The following IL1RAPL1 variants were observed in gnomAD, a reference collection of about 807,000 sequenced individuals.
IL1RAPL1 encodes the protein interleukin 1 receptor accessory protein like 1.
In IL1RAPL1, 3 loss-of-function variants were observed where a neutral mutation model predicts 48.4. The observed-to-expected ratio is 0.06, with a 90% CI of 0.03 to 0.16. The LOEUF (loss-of-function observed/expected upper bound fraction) is 0.16, where lower values mean the gene tolerates loss of function less well. IL1RAPL1 is among the 10% of genes least tolerant of loss of function. The pLI, the probability that IL1RAPL1 is intolerant of heterozygous loss-of-function variation, is 1.00. For synonymous variants in IL1RAPL1, 185 were observed against 187.7 expected (o/e 0.99, Z 0.12); for missense variants, 349 against 530.6 (o/e 0.66, Z 3.36).
intron 6 of IL1RAPL1, among the ~76,000 whole-genome samples, chrX:29,851,273 T>A (rs1386056892): frequency 8.9e-6 from 1 of 111,886 alleles, no homozygotes; most frequent in Non-Finnish European, 1.9e-5. Flanking sequence ...CCTGGAGTTA[T>A]GTCAGCCATG....
intron 2 of IL1RAPL1, among the ~76,000 whole-genome samples, chrX:28,975,135 C>T (rs774439282): frequency 7.2e-5 from 8 of 111,797 alleles, no homozygotes; most frequent in Non-Finnish European, 1.1e-4. Context: ...ACTCATACCC[C>T]GTCATTTGTT....
chrX:29,917,738 A>G lies in IL1RAPL1; in HGVS notation c.911+142A>G, dbSNP rs1327178281. 6.3e-6 allele frequency: 3 copies of G among 475,203 alleles called. No individual in the cohort carries two copies. In the African/African-American group the frequency reaches 7.4e-5, roughly 12 times the overall value. 39.2% of individuals were successfully genotyped at this position (475,203 alleles called of 1,213,427 possible). A position where few individuals can be genotyped will look rare whatever the true frequency, so the allele number is the denominator to read the frequency against. On this transcript the variant is annotated intron_variant, in intron 7 of 10. Coordinates refer to ENST00000378993, the MANE Select transcript of IL1RAPL1 (RefSeq NM_014271.4). ...CAATATTTAATGATAAAGAAGCAAAACACTGTTAACAGACTTACTATGGAA... is the reference window on the plus strand; with the variant it reads ...CAATATTTAATGATAAAGAAGCAAAGCACTGTTAACAGACTTACTATGGAA...
chrX:29,181,110 G>T (rs1930135122), intron 2 of IL1RAPL1, among the ~76,000 whole-genome samples: 2 of 111,565 alleles, frequency 1.8e-5, no homozygotes, highest in Non-Finnish European at 3.8e-5. Flanking sequence ...CATGTGATCT[G>T]ACTGAGTTGC....
chrX:29,860,149 A>G (rs1415754620), intron 6 of IL1RAPL1, among the ~76,000 whole-genome samples: 1 of 112,042 alleles, frequency 8.9e-6, no homozygotes, highest in African/African-American at 3.2e-5. Flanking sequence ...TTCTATGTCA[A>G]ATCACCCTCC....
intron 6 of IL1RAPL1, among the ~76,000 whole-genome samples, chrX:29,883,618 C>T (rs1326331844): frequency 8.9e-6 from 1 of 112,032 alleles, no homozygotes; most frequent in African/African-American, 3.2e-5. Flanking sequence ...TGCCAGGTGA[C>T]TTTACGACAA....
intron 1 of IL1RAPL1, among the ~76,000 whole-genome samples, chrX:28,714,460 A>C (rs945166023): frequency 1.8e-5 from 2 of 112,205 alleles, no homozygotes; most frequent in African/African-American, 6.5e-5. Context: ...TATGAATTAT[A>C]TCTCTAAATT....
chrX:28,623,388 A>T (rs1477124799), intron 1 of IL1RAPL1, among the ~76,000 whole-genome samples: 1 of 111,800 alleles, frequency 8.9e-6, no homozygotes, highest in Non-Finnish European at 1.9e-5. Flanking sequence ...CAGGGAATTT[A>T]TCGCAACGGG....
intron 5 of IL1RAPL1, among the ~76,000 whole-genome samples, chrX:29,562,950 C>A (rs766994313): frequency 4.5e-5 from 5 of 111,851 alleles, no homozygotes; most frequent in Non-Finnish European, 7.5e-5. Context: ...GTGTTTTGGG[C>A]TCTTTCTGGC....
At chrX:29,720,492 C>T (rs1927608607) in intron 6 of IL1RAPL1, among the ~76,000 whole-genome samples, 1 of 111,403 alleles carries the variant, frequency 9.0e-6, no homozygotes, top group South Asian at 3.7e-4. Context: ...TCTCAGCAAA[C>T]TAACACAGGA....
At chrX:29,164,750 C>T (rs1322456920) in intron 2 of IL1RAPL1, among the ~76,000 whole-genome samples, 1 of 111,592 alleles carries the variant, frequency 9.0e-6, no homozygotes, top group Non-Finnish European at 1.9e-5. Context: ...TCCTTTTAAG[C>T]CTCCCATTTT....
intron 5 of IL1RAPL1, among the ~76,000 whole-genome samples, chrX:29,476,050 A>T (rs185879123): frequency 8.9e-6 from 1 of 111,841 alleles, no homozygotes; most frequent in East Asian, 2.8e-4. Context: ...TCATAAGGGC[A>T]TCCGTGTCTT....
chrX:29,155,007 CTT>C (rs1276795423), intron 2 of IL1RAPL1, among the ~76,000 whole-genome samples: 3 of 101,341 alleles, frequency 3.0e-5, no homozygotes, highest in Admixed American at 1.1e-4. Context: ...TTCTTTCTGT[CTT>C]TTTTTTTTTT....
chrX:28,731,881 C>G (rs970910101), intron 1 of IL1RAPL1, among the ~76,000 whole-genome samples: 1 of 111,848 alleles, frequency 8.9e-6, no homozygotes, highest in Admixed American at 9.6e-5. Flanking sequence ...GGCACAGGGG[C>G]AGCATGAGAC....
intron 6 of IL1RAPL1, among the ~76,000 whole-genome samples, chrX:29,908,093 A>T (rs1338942075): frequency 9.1e-6 from 1 of 110,488 alleles, no homozygotes; most frequent in Non-Finnish European, 1.9e-5. Flanking sequence ...CATGTAGTTT[A>T]AAAAAAACCC....
At chrX:29,599,417 G>T (rs1394322999) in intron 5 of IL1RAPL1, among the ~76,000 whole-genome samples, 1 of 111,732 alleles carries the variant, frequency 8.9e-6, no homozygotes, top group African/African-American at 3.3e-5. Context: ...TCCTTTATAG[G>T]TTACCTGATG....
At chrX:29,882,801 G>A (rs776989301) in intron 6 of IL1RAPL1, among the ~76,000 whole-genome samples, 2 of 111,370 alleles carry the variant, frequency 1.8e-5, no homozygotes, top group Non-Finnish European at 3.8e-5. Context: ...ACATTTCAAC[G>A]TATGCCATTA....
chrX:28,730,887 A>G (rs1319872296), intron 1 of IL1RAPL1, among the ~76,000 whole-genome samples: 1 of 111,802 alleles, frequency 8.9e-6, no homozygotes, highest in Non-Finnish European at 1.9e-5. Flanking sequence ...TGTAAATTTG[A>G]CTCTAATTAA....
In IL1RAPL1 at chrX:28,815,839, G is replaced by GTATATATATATATA. The variant is rs61436993; in HGVS notation, c.82+26447_82+26460dup. 1.3e-3 allele frequency among the ~76,000 whole-genome samples: 38 copies of GTATATATATATATA among 29,105 alleles called. 4 individuals are homozygous for GTATATATATATATA. Among genetic ancestry groups the GTATATATATATATA allele is most frequent in the Non-Finnish European group, 2.3e-3 (30 of 12,983 alleles). The allele number at this position is 29,105 out of a possible 115,157, so 25.3% of individuals were successfully genotyped here. A position where few individuals can be genotyped will look rare whatever the true frequency, so the allele number is the denominator to read the frequency against. On this transcript the variant is annotated intron_variant, in intron 2 of 10. Transcript: ENST00000378993. The stretch of plus-strand genomic sequence containing the variant: ...CTATTGTGTATGTATGTGTGTTTAT[G>GTATATATATATATA]TATATATATATATATATATATATAT...
chrX:28,787,216 A>C (rs1936484997), intron 1 of IL1RAPL1, among the ~76,000 whole-genome samples: 1 of 112,251 alleles, frequency 8.9e-6, no homozygotes, highest in Non-Finnish European at 1.9e-5. Flanking sequence ...GGAGTAAAGT[A>C]ATAAGATAGT....
Sources: gnomAD v4.1 joint callset for allele counts (sites outside exome capture counted in the v4.1 genomes callset) on GRCh38, gnomAD v4.1.1 for gene constraint, MANE v1.5 for transcripts, NCBI Gene and HGNC (gene_info 2026-07-23, HGNC 2026-07-21) for gene names.